Variants in CPNE7 observed in about 807,000 individuals in gnomAD.
The protein encoded by CPNE7 is copine 7, also known as copine-7.
Under a neutral mutation model 66.5 loss-of-function variants are expected in CPNE7, and 78 were observed. The observed-to-expected ratio is 1.17, with a 90% CI of 0.98 to 1.42. The LOEUF (loss-of-function observed/expected upper bound fraction) is 1.42. Among genes scored for constraint, CPNE7 ranks in the 40% most tolerant of loss-of-function variants. The pLI is 0.00. For missense variants in CPNE7, 1,012 were observed against 776.6 expected (o/e 1.30, Z -3.60); for synonymous variants, 468 against 336.7 (o/e 1.39, Z -4.27).
rs1366442029 is a variant in CPNE7, at chr16:89,583,534, T to C, written c.358-163T>C. On this transcript the variant is annotated intron_variant, in intron 2 of 14. Transcript: ENST00000319518. ...GCCACACGCAGGGATGGCAGGTGCT[T>C]GAGAGCAGCCACAAAGGGGGCGCGG... 5.1e-6 allele frequency: 8 copies of C among 1,572,730 alleles called. No homozygotes were observed. The Admixed American group carries it at 1.5e-4, about 30-fold the overall frequency.
At position 89,587,090 on chromosome 16, in the gene CPNE7, G is replaced by A. The variant is rs1296642483; in HGVS notation, c.915G>A (p.Gln305=). The part of the protein sequence containing the change: ...SFLDYIMGGC[Q]IHFTVAIDFT... ...TGGACTATATCATGGGCGGCTGCCA[G>A]ATCCACTTCACCGTGAGTCCATGGC... is the stretch of plus-strand genomic sequence containing the variant. The change falls in exon 9 of 15, where the codon CAG becomes CAA. Residue 305 remains glutamine, a synonymous_variant. Transcript: ENST00000319518. 4 of 1,565,390 alleles carry A rather than the reference G, an allele frequency of 2.6e-6. No homozygotes were observed. The highest frequency in any genetic ancestry group is 2.3e-5 in the South Asian group (2 of 85,906).
At chr16:89,595,700 G>T in intron 14 of CPNE7, 97 bp downstream of exon 14, 1 of 1,082,058 alleles carries the variant, frequency 9.2e-7, no homozygotes, top group Non-Finnish European at 1.4e-6. Flanking sequence ...GCCAGTGGAT[G>T]TGGCAGGTCC....
intron 8 of CPNE7, 92 bp from the exon 9 acceptor site, chr16:89,586,951 C>A (rs1271242502): frequency 1.5e-6 from 2 of 1,327,092 alleles, no homozygotes; most frequent in Non-Finnish European, 2.1e-6. Context: ...CCCAGAGGGA[C>A]TGGGCTGCCT....
chr16:89,583,013 C>A (rs1417937798), intron 2 of CPNE7, among the ~76,000 whole-genome samples: 1 of 152,352 alleles, frequency 6.6e-6, no homozygotes, highest in South Asian at 2.1e-4. Flanking sequence ...GGGGCCTGGG[C>A]CTGTCATCCG....
chr16:89,580,628 CTGTCACA>C (rs1239818240), intron 2 of CPNE7, among the ~76,000 whole-genome samples: 3 of 133,532 alleles, frequency 2.2e-5, no homozygotes, highest in South Asian at 2.7e-4. Flanking sequence ...AACATCTCAC[CTGTCACA>C]CGGAACATCC....
chr16:89,587,178 C>A, intron 9 of CPNE7, 76 bp downstream of exon 9: 1 of 680,376 alleles, frequency 1.5e-6, no homozygotes, highest in Non-Finnish European at 2.4e-6. Context: ...AGTCCGTGGC[C>A]CCGCCCCTCC....
chr16:89,595,997 G>C (rs144973987), intron 14 of CPNE7: 16 of 488,474 alleles, frequency 3.3e-5, no homozygotes, highest in Non-Finnish European at 6.0e-5. Flanking sequence ...CAGCACACAC[G>C]TGAGGTTCTA....
intron 2 of CPNE7, chr16:89,578,738 T>G: frequency 7.5e-7 from 1 of 1,327,884 alleles, no homozygotes; most frequent in Non-Finnish European, 9.6e-7. Flanking sequence ...CCAGCCTGAG[T>G]GACAGATTGA....
At chr16:89,576,311 G>T (rs2058858787) in intron 1 of CPNE7, among the ~76,000 whole-genome samples, 1 of 152,182 alleles carries the variant, frequency 6.6e-6, no homozygotes, top group African/African-American at 2.4e-5. Flanking sequence ...AGGAGAGAGG[G>T]GGGTGCCCCG....
intron 9 of CPNE7, 29 bp downstream of exon 9, chr16:89,587,131 CCCCTCA>C: frequency 1.5e-6 from 2 of 1,337,716 alleles, no homozygotes; most frequent in Admixed American, 4.2e-5. Flanking sequence ...CCCATGCCGC[CCCCTCA>C]GTCCGTGGCC....
chr16:89,585,036 C>T (rs999428891), intron 5 of CPNE7, among the ~76,000 whole-genome samples, 179 bp downstream of exon 5: 5 of 152,134 alleles, frequency 3.3e-5, no homozygotes, highest in South Asian at 4.1e-4. Context: ...CCCTGGGGGC[C>T]GTGGCTGTGG....
intron 11 of CPNE7, among the ~76,000 whole-genome samples, chr16:89,590,185 G>C (rs2059146639): frequency 6.6e-6 from 1 of 152,240 alleles, no homozygotes; most frequent in Non-Finnish European, 1.5e-5. Flanking sequence ...TCCTTCAGGA[G>C]ATAGGGAAGG....
At chr16:89,588,085 T>A (rs565782975) in intron 9 of CPNE7, among the ~76,000 whole-genome samples, 2 of 13,788 alleles carry the variant, frequency 1.5e-4, no homozygotes, top group African/African-American at 5.1e-4. Flanking sequence ...TACCCACAGA[T>A]ACACGGCCCC....
At position 89,584,904 on chromosome 16, in the gene CPNE7, C is replaced by G; in HGVS notation, c.591+47C>G. 2 of 1,529,918 alleles carry G rather than the reference C, an allele frequency of 1.3e-6. No homozygotes were observed. Among genetic ancestry groups the G allele is most frequent in the Non-Finnish European group, 1.8e-6 (2 of 1,107,616 alleles). 94.8% of individuals were successfully genotyped at this position (1,529,918 alleles called of 1,614,324 possible). A position where few individuals can be genotyped will look rare whatever the true frequency, so the allele number is the denominator to read the frequency against. ...CACAGGGAGGGGAAGGGGCTGTCCC[C>G]AGCCCTCACGCATCTCTGGCCACAT... On this transcript the variant is annotated intron_variant, in intron 5 of 14. Coordinates refer to ENST00000319518, the MANE Select transcript of CPNE7 (RefSeq NM_153636.3). This position sits in a 1 kb window ranked among gnomAD's most constrained non-coding sequence, Gnocchi z 6.0.
intron 9 of CPNE7, chr16:89,587,680 C>G: frequency 2.5e-6 from 1 of 405,484 alleles, no homozygotes; most frequent in Admixed American, 2.6e-5. Context: ...GACCCCGCGT[C>G]ACCCATAGAT....
intron 6 of CPNE7, 40 bp from the exon 7 acceptor site, chr16:89,585,640 TCCTGGGG>T: frequency 6.5e-7 from 1 of 1,545,406 alleles, no homozygotes; most frequent in South Asian, 1.2e-5. Context: ...GGTGGGAGGG[TCCTGGGG>T]CCCCCAGACA....
In CPNE7 at chr16:89,587,071, A is replaced by G. The variant is rs759829709; in HGVS notation, c.896A>G (p.Tyr299Cys). 5.2e-5 allele frequency: 82 copies of G among 1,577,836 alleles called. No homozygotes were observed. The highest frequency in any genetic ancestry group is 1.7e-4 in the Middle Eastern group (1 of 5,820). Residue 299 changes from tyrosine to cysteine, a missense_variant, in exon 9 of 15, where the codon TAT becomes TGT. Coordinates refer to ENST00000319518, the MANE Select transcript of CPNE7 (RefSeq NM_153636.3). ...CACAGGGTGTACTCCTTCCTGGACT[A>G]TATCATGGGCGGCTGCCAGATCCAC... ...KFHRVYSFLD[Y>C]IMGGCQIHFT...
Position 89,588,074 on chromosome 16 carries a change from TTACC to T in CPNE7, c.928-600_928-597del, listed in dbSNP as rs1444673767. 4.7e-4 allele frequency among the ~76,000 whole-genome samples: 10 copies of T among 21,126 alleles called. 2 individuals carry two copies. The highest frequency in any genetic ancestry group is 2.7e-3 in the East Asian group (3 of 1,108). The allele number at this position is 21,126 out of a possible 152,430, so 13.9% of individuals were successfully genotyped here. On this transcript the variant is annotated intron_variant, in intron 9 of 14. Coordinates refer to ENST00000319518, the MANE Select transcript of CPNE7 (RefSeq NM_153636.3). ...ACCCACAGATACACGGCCCCCCGTG[TTACC>T]CACAGATACACGGCCCCCGTGTCAC...
At chr16:89,583,840 G>A in intron 3 of CPNE7, 69 bp downstream of exon 3, 3 of 1,570,674 alleles carry the variant, frequency 1.9e-6, no homozygotes, top group Non-Finnish European at 2.6e-6. Flanking sequence ...GTTGTGGGCG[G>A]AAGATGGGCA....
Sources: allele counts gnomAD v4.1 joint callset (sites outside exome capture counted in the v4.1 genomes callset), GRCh38; gene constraint gnomAD v4.1.1; non-coding constraint Gnocchi (gnomAD v3.1); transcripts MANE v1.5; gene names NCBI Gene and HGNC (gene_info 2026-07-23, HGNC 2026-07-21).